Variants in DCDC2C observed in about 807,000 individuals in gnomAD.
DCDC2C encodes doublecortin domain-containing protein 2C.
In DCDC2C, 44 loss-of-function variants were observed where a neutral mutation model predicts 45.0. The ratio of observed to expected loss-of-function variants is 0.98; its 90% CI spans 0.77 to 1.26. DCDC2C has a LOEUF of 1.26. Ranked by LOEUF, DCDC2C falls within the 50% of genes most tolerant of loss-of-function variation. The pLI, the probability that DCDC2C is intolerant of heterozygous loss-of-function variation, is 0.00. For missense variants in DCDC2C, 447 were observed against 468.9 expected (o/e 0.95, Z 0.43); for synonymous variants, 187 against 178.8 (o/e 1.05, Z -0.37).
intron 10 of DCDC2C, among the ~76,000 whole-genome samples, chr2:3,825,769 A>G (rs1202807619): frequency 6.6e-6 from 1 of 152,162 alleles, no homozygotes; most frequent in African/African-American, 2.4e-5. Context: ...GGGCAGAATG[A>G]AGCTGATCAC....
chr2:3,808,774 C>A (rs1671319750), intron 10 of DCDC2C, among the ~76,000 whole-genome samples: 2 of 152,222 alleles, frequency 1.3e-5, no homozygotes, highest in African/African-American at 4.8e-5. Context: ...ATTTATCAAT[C>A]TTTTCTCTCA....
chr2:3,763,558 T>C (rs1247109457), intron 6 of DCDC2C, among the ~76,000 whole-genome samples: 6 of 152,240 alleles, frequency 3.9e-5, no homozygotes, highest in Non-Finnish European at 5.9e-5. Flanking sequence ...AAGGTGGCCC[T>C]AGTCCCACCA....
At chr2:3,779,912 G>A (rs1259853260) in intron 9 of DCDC2C, among the ~76,000 whole-genome samples, 1 of 152,150 alleles carries the variant, frequency 6.6e-6, no homozygotes, top group Non-Finnish European at 1.5e-5. Flanking sequence ...AACTTGGAAC[G>A]GGTGTTTGTT....
intron 10 of DCDC2C, among the ~76,000 whole-genome samples, chr2:3,825,673 T>G (rs942202285): frequency 6.6e-6 from 1 of 152,120 alleles, no homozygotes; most frequent in Non-Finnish European, 1.5e-5. Flanking sequence ...TTCAACAACC[T>G]GGGATGGAGG....
intron 10 of DCDC2C, among the ~76,000 whole-genome samples, chr2:3,820,981 A>G (rs1406834670): frequency 6.6e-6 from 1 of 152,108 alleles, no homozygotes; most frequent in Non-Finnish European, 1.5e-5. Flanking sequence ...GAGTCCACCA[A>G]ACAGGCTTTG....
Position 3,734,462 on chromosome 2 carries a change from C to T in DCDC2C, c.416+7383C>T, listed in dbSNP as rs941664445. 1.3e-5 allele frequency among the ~76,000 whole-genome samples: 2 copies of T among 152,016 alleles called. No homozygotes were observed. Among genetic ancestry groups the T allele is most frequent in the African/African-American group, 2.4e-5 (1 of 41,374 alleles). ...GTCACTAACATCCACTAACTAACCACGGGTAAAGGAAGCAAGTGGAGGGGT... is the reference window on the plus strand; with the variant it reads ...GTCACTAACATCCACTAACTAACCATGGGTAAAGGAAGCAAGTGGAGGGGT... On this transcript the variant is annotated intron_variant, in intron 3 of 10. Transcript: ENST00000399143. This position sits in a 1 kb window ranked among gnomAD's most constrained non-coding sequence, Gnocchi z 4.2.
chr2:3,824,446 A>G (rs1671768620), intron 10 of DCDC2C, among the ~76,000 whole-genome samples: 1 of 152,206 alleles, frequency 6.6e-6, no homozygotes, highest in South Asian at 2.1e-4. Flanking sequence ...GGTGGGCTGG[A>G]TTTGATACAC....
At position 3,752,793 on chromosome 2, in the gene DCDC2C, C is replaced by T. The variant is rs357969; in HGVS notation, c.576C>T (p.Gly192=). 816,122 of 1,549,188 alleles carry T rather than the reference C, an allele frequency of 0.53. 221,984 individuals carry two copies. Among genetic ancestry groups the T allele is most frequent in the East Asian group, 0.72 (29,300 of 40,902 alleles). The change falls in exon 5 of 11, where the codon GGC becomes GGT. Residue 192 remains glycine (G), a synonymous_variant. Coordinates refer to ENST00000399143, the MANE Select transcript of DCDC2C (RefSeq NM_001287444.2). ...KLFTMNGHLL[G]DSKDLQDNHF... The stretch of plus-strand genomic sequence containing the variant: ...TTACAATGAATGGGCATCTTTTGGG[C>T]GACTCAAAGGATTTGCAAGACAATC...
intron 3 of DCDC2C, among the ~76,000 whole-genome samples, chr2:3,733,546 A>T (rs933938408): frequency 6.6e-6 from 1 of 152,028 alleles, no homozygotes; most frequent in Non-Finnish European, 1.5e-5. Flanking sequence ...AACAGCAGAA[A>T]TTTTTTGCCC....
chr2:3,778,835 A>G lies in DCDC2C; in HGVS notation c.974A>G (p.Lys325Arg). 1.9e-6 allele frequency: 3 copies of G among 1,551,024 alleles called. No homozygotes were observed. The highest frequency in any genetic ancestry group is 2.6e-6 in the Non-Finnish European group (3 of 1,147,106). Residue 325 changes from lysine to arginine, a missense_variant, in exon 9 of 11, where the codon AAA becomes AGA. Transcript: ENST00000399143. ...CCCCAGAGACAAGCTGAGATAGTTA[A>G]AGAAGATGAAGAGATACATGAGAAC... is the stretch of plus-strand genomic sequence containing the variant. ...PVDQRQAEIV[K>R]EDEEIHENTP...
At chr2:3,729,394 C>T (rs552550719) in intron 3 of DCDC2C, among the ~76,000 whole-genome samples, 5 of 152,314 alleles carry the variant, frequency 3.3e-5, no homozygotes, top group East Asian at 1.9e-4. Flanking sequence ...TTAGTGAAAG[C>T]GGCAAAAACA....
At chr2:3,826,137 T>C (rs1671809409) in intron 10 of DCDC2C, among the ~76,000 whole-genome samples, 1 of 152,190 alleles carries the variant, frequency 6.6e-6, no homozygotes, top group African/African-American at 2.4e-5. Flanking sequence ...TAAGATCCTC[T>C]TGTAAACAGC....
chr2:3,782,973 C>T (rs182447771), intron 9 of DCDC2C, among the ~76,000 whole-genome samples: 3 of 152,202 alleles, frequency 2.0e-5, no homozygotes, highest in African/African-American at 7.2e-5. Context: ...CCACAGGCCA[C>T]GTGCTCAGGG....
intron 2 of DCDC2C, among the ~76,000 whole-genome samples, chr2:3,714,612 T>C (rs1668302688): frequency 6.6e-6 from 1 of 152,222 alleles, no homozygotes; most frequent in African/African-American, 2.4e-5. Flanking sequence ...GGATGTGATT[T>C]GCTGAGTTGA....
chr2:3,789,894 G>A lies in DCDC2C; in HGVS notation c.1065+4794G>A, dbSNP rs191891544. ...AGAACATAAGAAAATAGAACATAGT[G>A]GGTAACTTCATAACAGTGGTTATAG... On this transcript the variant is annotated intron_variant, in intron 10 of 10. Coordinates refer to ENST00000399143, the MANE Select transcript of DCDC2C (RefSeq NM_001287444.2). Among the ~76,000 whole-genome samples, 397 of 152,300 alleles carry A rather than the reference G, an allele frequency of 2.6e-3. 3 individuals carry two copies. The highest frequency in any genetic ancestry group is 1.7e-3 in the East Asian group (9 of 5,188).
At chr2:3,749,501 C>T (rs981804563) in intron 4 of DCDC2C, among the ~76,000 whole-genome samples, 1 of 152,202 alleles carries the variant, frequency 6.6e-6, no homozygotes, top group Non-Finnish European at 1.5e-5. Context: ...GCATGCATCA[C>T]GTTCTGTCTG....
intron 10 of DCDC2C, among the ~76,000 whole-genome samples, chr2:3,819,251 G>A (rs1364958733): frequency 1.3e-5 from 2 of 152,216 alleles, no homozygotes; most frequent in African/African-American, 2.4e-5. Flanking sequence ...GCTGCCAGGC[G>A]AGTTGGACAG....
intron 2 of DCDC2C, among the ~76,000 whole-genome samples, chr2:3,709,021 A>T (rs1303612625): frequency 2.0e-5 from 3 of 152,266 alleles, no homozygotes; most frequent in African/African-American, 7.2e-5. Flanking sequence ...TATTAGGTCT[A>T]CAGGACAGAA....
At chr2:3,812,989 C>G (rs1671443175) in intron 10 of DCDC2C, among the ~76,000 whole-genome samples, 1 of 149,428 alleles carries the variant, frequency 6.7e-6, no homozygotes, top group African/African-American at 2.5e-5. Flanking sequence ...GTTTTACTTC[C>G]AATTATGTGG....
Sources: gnomAD v4.1 joint callset for allele counts (sites outside exome capture counted in the v4.1 genomes callset) on GRCh38, gnomAD v4.1.1 for gene constraint, Gnocchi (gnomAD v3.1) non-coding constraint, MANE v1.5 for transcripts, NCBI Gene and HGNC (gene_info 2026-07-23, HGNC 2026-07-21) for gene names.